Variants in ZNF738 observed in about 807,000 individuals in gnomAD.
The protein encoded by ZNF738 is zinc finger protein 738.
In ZNF738, 10 loss-of-function variants were observed where a neutral mutation model predicts 9.2. The observed-to-expected ratio is 1.09, with a 90% confidence interval of 0.67 to 1.85. The LOEUF (loss-of-function observed/expected upper bound fraction) is 1.85. ZNF738 is among the 40% of genes most tolerant of loss of function. The pLI, the probability that ZNF738 is intolerant of heterozygous loss-of-function variation, is 0.00. For synonymous variants in ZNF738, 113 were observed against 94.5 expected, an observed-to-expected ratio of 1.20 and a Z score of -1.14; for missense variants, 346 against 283.6, an observed-to-expected ratio of 1.22 and a Z score of -1.58.
At chr19:21,377,918 C>T in intron 4 of ZNF738, 1 of 384,262 alleles carries the variant, frequency 2.6e-6, no homozygotes, top group Non-Finnish European at 4.6e-6. Flanking sequence ...CATCTTTGTC[C>T]CACATTTTCT....
Position 21,384,236 on chromosome 19 carries a change from T to C in ZNF738, c.*562T>C, listed in dbSNP as rs879139017. The C allele has an allele frequency of 2.3e-6, 3 of 1,298,376 alleles. No individual in the cohort carries two copies. Among genetic ancestry groups the C allele is most frequent in the South Asian group, 2.4e-5 (2 of 82,816 alleles). 80.4% of individuals were successfully genotyped at this position (1,298,376 alleles called of 1,614,324 possible). Reference sequence around the variant, plus strand: ...CTACACATAAGAGAATTCATACTGGTGAGAAACCCTACAAATGTGAAGAAT... The same window carrying C: ...CTACACATAAGAGAATTCATACTGGCGAGAAACCCTACAAATGTGAAGAAT... On this transcript the variant is annotated 3_prime_UTR_variant, in exon 5 of 5. Transcript: ENST00000683779.
chr19:21,362,097 G>GATA (rs55672173), intron 2 of ZNF738, among the ~76,000 whole-genome samples: 1,882 of 148,054 alleles, frequency 0.013, 60 homozygotes, highest in Admixed American at 0.064. Flanking sequence ...TAATAATAAT[G>GATA]ATAATAATAA....
chr19:21,382,063 T>TATC (rs1316853291), intron 4 of ZNF738: 3 of 77,110 alleles, frequency 3.9e-5, no homozygotes, highest in African/African-American at 2.6e-4. Flanking sequence ...TTTTTCTTTC[T>TATC]TTCTTTTTTT....
chr19:21,369,136 CTG>C (rs1287798903), intron 2 of ZNF738, among the ~76,000 whole-genome samples: 3 of 152,126 alleles, frequency 2.0e-5, no homozygotes, highest in Non-Finnish European at 4.4e-5. Context: ...GTGTCTCACT[CTG>C]TCACATAGGA....
chr19:21,387,618 CTG>C lies in ZNF738; in HGVS notation c.*3947_*3948del, dbSNP rs1974081827. 1.3e-5 allele frequency among the ~76,000 whole-genome samples: 2 copies of C among 152,170 alleles called. No individual in the cohort carries two copies. Among genetic ancestry groups the C allele is most frequent in the Admixed American group, 1.3e-4 (2 of 15,278 alleles). On this transcript the variant is annotated 3_prime_UTR_variant, in exon 5 of 5. Coordinates refer to ENST00000683779, the MANE Select transcript of ZNF738 (RefSeq NM_001355237.2). ...TTGAGAAAAATTATACAAATACAGA[CTG>C]TGAAAAAGACATTAATATCTGCTTA...
In ZNF738 at chr19:21,383,878, C is replaced by G. The variant is rs7254436; in HGVS notation, c.*204C>G. On this transcript the variant is annotated 3_prime_UTR_variant, in exon 5 of 5. Transcript: ENST00000683779. ...TTCTTCAGATTCTCATACCTTACTA[C>G]ACATAAGATAATTCATACTGGAGAG... 570,649 of 1,387,284 alleles carry G rather than the reference C, an allele frequency of 0.41. 123,960 individuals carry two copies. Among genetic ancestry groups the G allele is most frequent in the Non-Finnish European group, 0.46 (449,215 of 985,158 alleles). The allele number at this position is 1,387,284 out of a possible 1,614,324, so 85.9% of individuals were successfully genotyped here. A position where few individuals can be genotyped will look rare whatever the true frequency, so the allele number is the denominator to read the frequency against.
chr19:21,382,892 C>T lies in ZNF738; in HGVS notation c.346C>T (p.Leu116Phe), dbSNP rs1040929244. ...TACATATTCTCATTTTGCCCAGGAC[C>T]TTTGGCCACAGCCGGGCATAAAAGA... ...PVTYSHFAQD[L>F]WPQPGIKDSF... Residue 116 changes from leucine to phenylalanine, a missense_variant, in exon 5 of 5, where the codon CTT (leucine) becomes TTT (phenylalanine). Transcript: ENST00000683779. 1 of 504,446 alleles carries T rather than the reference C, an allele frequency of 2.0e-6. No homozygotes were observed. Among genetic ancestry groups the T allele is most frequent in the South Asian group, 2.0e-5 (1 of 49,066 alleles). 31.2% of individuals were successfully genotyped at this position (504,446 alleles called of 1,614,324 possible). A position where few individuals can be genotyped will look rare whatever the true frequency, so the allele number is the denominator to read the frequency against.
At chr19:21,360,782 C>T (rs1437120555) in intron 1 of ZNF738, among the ~76,000 whole-genome samples, 7 of 149,406 alleles carry the variant, frequency 4.7e-5, no homozygotes, top group Admixed American at 4.0e-4. Flanking sequence ...TTTTTTATAC[C>T]GTATTTTAAT....
Position 21,388,185 on chromosome 19 carries a change from G to A in ZNF738, c.*4511G>A, listed in dbSNP as rs556204621. ...AGAGGAGTAAAAGATTTTTTGCAGA[G>A]TAATAACTACATTCTAAGTATACTT... On this transcript the variant is annotated 3_prime_UTR_variant, in exon 5 of 5. Coordinates refer to ENST00000683779, the MANE Select transcript of ZNF738 (RefSeq NM_001355237.2). Among the ~76,000 whole-genome samples, 7 of 152,178 alleles carry A rather than the reference G, an allele frequency of 4.6e-5. No individual in the cohort carries two copies. The highest frequency in any genetic ancestry group is 1.7e-4 in the African/African-American group (7 of 41,532).
chr19:21,384,168 T>C lies in ZNF738; in HGVS notation c.*494T>C. 6.9e-7 allele frequency: 1 copy of C among 1,442,274 alleles called. No homozygotes were observed. 89.3% of individuals were successfully genotyped at this position (1,442,274 alleles called of 1,614,324 possible). A position where few individuals can be genotyped will look rare whatever the true frequency, so the allele number is the denominator to read the frequency against. On this transcript the variant is annotated 3_prime_UTR_variant, in exon 5 of 5. Coordinates refer to ENST00000683779, the MANE Select transcript of ZNF738 (RefSeq NM_001355237.2). ...TCATACTGTAGAGAAACGCTACAAATGTGAGGAATGTGGCAAAGCTTTTAA... is the reference window on the plus strand; with the variant it reads ...TCATACTGTAGAGAAACGCTACAAACGTGAGGAATGTGGCAAAGCTTTTAA...
intron 2 of ZNF738, among the ~76,000 whole-genome samples, chr19:21,371,032 A>C (rs1973849295): frequency 6.6e-6 from 1 of 152,222 alleles, no homozygotes; most frequent in Admixed American, 6.5e-5. Flanking sequence ...CCTGGTGTAA[A>C]TAGAATCTGA....
In ZNF738 at chr19:21,387,631, A is replaced by G. The variant is rs2562493; in HGVS notation, c.*3957A>G. On this transcript the variant is annotated 3_prime_UTR_variant, in exon 5 of 5. Transcript: ENST00000683779. The stretch of plus-strand genomic sequence containing the variant: ...TACAAATACAGACTGTGAAAAAGAC[A>G]TTAATATCTGCTTACATCTTAACAC... Among the ~76,000 whole-genome samples, 2,254 of 152,346 alleles carry G rather than the reference A, an allele frequency of 0.015. 68 individuals are homozygous for G. The highest frequency in any genetic ancestry group is 0.048 in the African/African-American group (2,000 of 41,566).
intron 2 of ZNF738, among the ~76,000 whole-genome samples, chr19:21,368,105 T>C (rs1264624624): frequency 6.6e-6 from 1 of 152,234 alleles, no homozygotes; most frequent in East Asian, 1.9e-4. Flanking sequence ...TTCTTAACTT[T>C]TCTTTTTGGT....
At chr19:21,366,277 G>T (rs1479947001) in intron 2 of ZNF738, among the ~76,000 whole-genome samples, 4 of 152,128 alleles carry the variant, frequency 2.6e-5, no homozygotes, top group African/African-American at 7.2e-5. Context: ...TCTTAGGAAG[G>T]ACTATAACCT....
intron 2 of ZNF738, among the ~76,000 whole-genome samples, chr19:21,367,915 A>C (rs1462756735): frequency 6.6e-6 from 1 of 152,220 alleles, no homozygotes; most frequent in Non-Finnish European, 1.5e-5. Context: ...GCATATCCCC[A>C]CTGTATCTGC....
intron 4 of ZNF738, chr19:21,376,190 T>C (rs1973925516): frequency 2.9e-6 from 1 of 349,028 alleles, no homozygotes; most frequent in Non-Finnish European, 5.3e-6. Context: ...GATTCTACTT[T>C]CCCTTCATTG....
chr19:21,359,946 T>C (rs939158053), intron 1 of ZNF738, among the ~76,000 whole-genome samples: 2 of 152,180 alleles, frequency 1.3e-5, no homozygotes, highest in African/African-American at 4.8e-5. Context: ...CACCAAGCTG[T>C]GGTTTTTAGT....
chr19:21,383,571 A>G lies in ZNF738; in HGVS notation c.1025A>G (p.Lys342Arg). 6.8e-6 allele frequency: 7 copies of G among 1,029,620 alleles called. No individual in the cohort carries two copies. Among genetic ancestry groups the G allele is most frequent in the Non-Finnish European group, 9.0e-6 (6 of 664,346 alleles). 63.8% of individuals were successfully genotyped at this position (1,029,620 alleles called of 1,614,324 possible). The change falls in exon 5 of 5, where the codon AAA becomes AGA. Residue 342 changes from lysine (K) to arginine (R), a missense_variant. Lys to Arg is a conservative substitution (Grantham distance 26). Transcript: ENST00000683779. ...TKHKIIHTGE[K>R]PYKCEECGKA... ...CATAAGATAATTCATACTGGAGAGA[A>G]ACCCTACAAATGTGAGGAATGTGGC... is the stretch of plus-strand genomic sequence containing the variant.
chr19:21,375,213 A>T, intron 2 of ZNF738, 25 bp from the exon 3 acceptor site: 1 of 839,056 alleles, frequency 1.2e-6, no homozygotes, highest in Non-Finnish European at 1.8e-6. Context: ...ACTTGTAAAT[A>T]TGTGTGTGTG....
Sources: gnomAD v4.1 joint callset for allele counts (sites outside exome capture counted in the v4.1 genomes callset) on GRCh38, gnomAD v4.1.1 for gene constraint, MANE v1.5 for transcripts, NCBI Gene and HGNC (gene_info 2026-07-23, HGNC 2026-07-21) for gene names.